Variants in LUC7L3 observed in about 807,000 individuals in gnomAD.
LUC7L3 encodes luc7-like protein 3.
In LUC7L3, 6 loss-of-function variants were observed where a neutral mutation model predicts 66.8. The ratio of observed to expected loss-of-function variants is 0.09; its 90% CI spans 0.05 to 0.18. The LOEUF is 0.18. LUC7L3 is among the 10% of genes least tolerant of loss of function. The pLI is 1.00. For synonymous variants in LUC7L3, 160 were observed against 174.7 expected (o/e 0.92, Z 0.66); for missense variants, 341 against 531.1 (o/e 0.64, Z 3.52).
At chr17:50,747,366 A>T (rs543399463) in intron 9 of LUC7L3, among the ~76,000 whole-genome samples, 1 of 151,722 alleles carries the variant, frequency 6.6e-6, no homozygotes, top group South Asian at 2.1e-4. Flanking sequence ...TTGGAAGATA[A>T]TTCTGTTAAC....
intron 9 of LUC7L3, 74 bp from the exon 10 acceptor site, chr17:50,750,427 T>A: frequency 7.2e-7 from 1 of 1,394,356 alleles, no homozygotes; most frequent in South Asian, 1.4e-5. Flanking sequence ...CTCAGTTGTT[T>A]CACTTTTTTT....
At chr17:50,728,967 A>G (rs145351476) in intron 1 of LUC7L3, among the ~76,000 whole-genome samples, 233 of 152,356 alleles carry the variant, frequency 1.5e-3, no homozygotes, top group African/African-American at 5.1e-3. Context: ...TTCAGAATAC[A>G]GTAAGTCTGC....
At chr17:50,737,091 T>G in intron 2 of LUC7L3, 65 bp downstream of exon 2, 2 of 1,162,498 alleles carry the variant, frequency 1.7e-6, no homozygotes, top group Non-Finnish European at 2.5e-6. Flanking sequence ...ATAGGAGTGG[T>G]GAAAGGAAAA....
At chr17:50,733,652 C>G (rs1969785900) in intron 1 of LUC7L3, among the ~76,000 whole-genome samples, 1 of 152,160 alleles carries the variant, frequency 6.6e-6, no homozygotes, top group South Asian at 2.1e-4. Context: ...CCGCACGCCT[C>G]AGCCTCCCAA....
At chr17:50,731,925 A>G (rs1969633227) in intron 1 of LUC7L3, among the ~76,000 whole-genome samples, 2 of 152,204 alleles carry the variant, frequency 1.3e-5, no homozygotes, top group South Asian at 4.1e-4. Context: ...AGAAGCTGAG[A>G]GGCCAAAGAA....
chr17:50,749,260 G>T lies in LUC7L3; in HGVS notation c.1139-1241G>T, dbSNP rs568681938. 290 of 1,288,848 alleles carry T rather than the reference G, an allele frequency of 2.3e-4. 2 individuals carry two copies. In the African/African-American group the frequency reaches 3.6e-3, roughly 16 times the overall value. 79.8% of individuals were successfully genotyped at this position (1,288,848 alleles called of 1,614,324 possible). A position where few individuals can be genotyped will look rare whatever the true frequency, so the allele number is the denominator to read the frequency against. Reference sequence around the variant, plus strand: ...ATTGGACTGACTACTAGTCCTCTACGGGACAACAAGACGACTCTTCCTCAT... The same window carrying T: ...ATTGGACTGACTACTAGTCCTCTACTGGACAACAAGACGACTCTTCCTCAT... On this transcript the variant is annotated intron_variant, in intron 9 of 9. Transcript: ENST00000505658.
intron 4 of LUC7L3, 125 bp downstream of exon 4, chr17:50,741,371 T>A (rs897140651): frequency 1.0e-6 from 1 of 975,790 alleles, no homozygotes; most frequent in Admixed American, 3.1e-5. Context: ...ATGAAACTTA[T>A]AGGGCATTCA....
At chr17:50,743,680 CTGTT>C in intron 5 of LUC7L3, 22 bp from the exon 6 acceptor site, 1 of 1,400,188 alleles carries the variant, frequency 7.1e-7, no homozygotes, top group Admixed American at 1.8e-5. Flanking sequence ...GAAATCTTAA[CTGTT>C]TTTTTCCCCT....
intron 9 of LUC7L3, among the ~76,000 whole-genome samples, chr17:50,749,797 C>T (rs1215837577): frequency 6.6e-6 from 1 of 152,192 alleles, no homozygotes; most frequent in East Asian, 1.9e-4. Flanking sequence ...TACCTCTAGT[C>T]TGAGGTCTTA....
At chr17:50,728,323 G>A (rs1051850339) in intron 1 of LUC7L3, among the ~76,000 whole-genome samples, 1 of 152,130 alleles carries the variant, frequency 6.6e-6, no homozygotes, top group African/African-American at 2.4e-5. Context: ...TTAAAGGCAT[G>A]GAAATGAATG....
In LUC7L3 at chr17:50,755,709, C is replaced by T. The variant is rs1229824691; in HGVS notation, c.*5048C>T. On this transcript the variant is annotated 3_prime_UTR_variant, in exon 10 of 10. Transcript: ENST00000505658. ...TAACCTCTCTCGTAGCCATTCATTCCCGGATACATACCCTAGAGAAACTCT... is the reference window on the plus strand; with the variant it reads ...TAACCTCTCTCGTAGCCATTCATTCTCGGATACATACCCTAGAGAAACTCT... 1 of 152,164 alleles carries T rather than the reference C, an allele frequency of 6.6e-6. No homozygotes were observed. Among genetic ancestry groups the T allele is most frequent in the Non-Finnish European group, 1.5e-5 (1 of 68,030 alleles). 9.4% of individuals were successfully genotyped at this position (152,164 alleles called of 1,614,324 possible).
Position 50,745,974 on chromosome 17 carries a change from G to T in LUC7L3, c.948G>T (p.Arg316Ser). Reference sequence around the variant, plus strand: ...GCAGCAGGTCTCGGGACCACAAAAGGTCACGAAGTAGAGAAAGAAGGCGGA... The same window carrying T: ...GCAGCAGGTCTCGGGACCACAAAAGTTCACGAAGTAGAGAAAGAAGGCGGA... ...RRCSRSRDHKRSRSRERRRSR... is the reference protein window; with the variant it reads ...RRCSRSRDHKSSRSRERRRSR... Residue 316 changes from arginine (R) to serine (S), a missense_variant, in exon 8 of 10, where the codon AGG becomes AGT. Coordinates refer to ENST00000505658, the MANE Select transcript of LUC7L3 (RefSeq NM_016424.5). The T allele has an allele frequency of 6.2e-7, 1 of 1,602,864 alleles. No individual in the cohort carries two copies. Among genetic ancestry groups the T allele is most frequent in the Non-Finnish European group, 8.5e-7 (1 of 1,177,300 alleles).
chr17:50,721,351 G>T (rs1968747958), intron 1 of LUC7L3, among the ~76,000 whole-genome samples: 1 of 152,036 alleles, frequency 6.6e-6, no homozygotes, highest in South Asian at 2.1e-4. Flanking sequence ...TTCTTTCCCG[G>T]GGTAATTTGT....
chr17:50,727,923 T>G (rs1177680541), intron 1 of LUC7L3, among the ~76,000 whole-genome samples: 2 of 147,640 alleles, frequency 1.4e-5, no homozygotes, highest in Non-Finnish European at 3.0e-5. Context: ...GCTAACATGG[T>G]GAAACCCCAT....
rs540913419 is a variant in LUC7L3, at chr17:50,751,814, A to G, written c.*1153A>G. 2 of 1,018,338 alleles carry G rather than the reference A, an allele frequency of 2.0e-6. No individual in the cohort carries two copies. Among genetic ancestry groups the G allele is most frequent in the Admixed American group, 5.4e-5 (1 of 18,478 alleles). The allele number at this position is 1,018,338 out of a possible 1,614,324, so 63.1% of individuals were successfully genotyped here. The stretch of plus-strand genomic sequence containing the variant: ...TGAAATCAAAGAACTGATGCACTAT[A>G]TAGAACGAATTTGGGTTTTTAAAGA... On this transcript the variant is annotated 3_prime_UTR_variant, in exon 10 of 10. Transcript: ENST00000505658.
chr17:50,733,761 T>C (rs1969798036), intron 1 of LUC7L3, among the ~76,000 whole-genome samples: 1 of 152,206 alleles, frequency 6.6e-6, no homozygotes, highest in Admixed American at 6.5e-5. Context: ...AATTATTTTA[T>C]AACCATACAG....
Position 50,719,676 on chromosome 17 carries a change from C to G in LUC7L3, c.-57C>G, listed in dbSNP as rs1968606501. 8.4e-6 allele frequency: 12 copies of G among 1,423,082 alleles called. No homozygotes were observed. The highest frequency in any genetic ancestry group is 1.2e-5 in the Non-Finnish European group (12 of 1,019,824). The allele number at this position is 1,423,082 out of a possible 1,614,324, so 88.2% of individuals were successfully genotyped here. A position where few individuals can be genotyped will look rare whatever the true frequency, so the allele number is the denominator to read the frequency against. On this transcript the variant is annotated 5_prime_UTR_variant, in exon 1 of 10. Coordinates refer to ENST00000505658, the MANE Select transcript of LUC7L3 (RefSeq NM_016424.5). Reference sequence around the variant, plus strand: ...CGAGGAGATTGGCGACGGTGTCGCCCGTGTTTTCGTTGGCGGGTGCCTGGG... The same window carrying G: ...CGAGGAGATTGGCGACGGTGTCGCCGGTGTTTTCGTTGGCGGGTGCCTGGG...
intron 1 of LUC7L3, among the ~76,000 whole-genome samples, chr17:50,730,920 A>G (rs1265540894): frequency 6.6e-6 from 1 of 152,214 alleles, no homozygotes; most frequent in East Asian, 1.9e-4. Context: ...AGCCTGGGCA[A>G]CAGAGTGAGG....
rs1292712174 is a variant in LUC7L3 at position 50,755,719 on chromosome 17, A to G, written c.*5058A>G. The G allele has an allele frequency of 6.6e-6, 1 of 152,174 alleles. No homozygotes were observed. The highest frequency in any genetic ancestry group is 1.5e-5 in the Non-Finnish European group (1 of 68,040). The allele number at this position is 152,174 out of a possible 1,614,324, so 9.4% of individuals were successfully genotyped here. A position where few individuals can be genotyped will look rare whatever the true frequency, so the allele number is the denominator to read the frequency against. On this transcript the variant is annotated 3_prime_UTR_variant, in exon 10 of 10. Transcript: ENST00000505658. ...CGTAGCCATTCATTCCCGGATACATACCCTAGAGAAACTCTTACACATGCG... is the reference window on the plus strand; with the variant it reads ...CGTAGCCATTCATTCCCGGATACATGCCCTAGAGAAACTCTTACACATGCG...
Sources: allele counts gnomAD v4.1 joint callset (sites outside exome capture counted in the v4.1 genomes callset), GRCh38; gene constraint gnomAD v4.1.1; transcripts MANE v1.5; gene names NCBI Gene and HGNC (gene_info 2026-07-23, HGNC 2026-07-21).